The following SP6 variants were observed in gnomAD, a reference collection of about 807,000 sequenced individuals.
SP6 encodes the protein transcription factor Sp6.
SP6 carries 10 observed loss-of-function variants against 23.4 expected under a neutral mutation model. The ratio of observed to expected loss-of-function variants is 0.43; its 90% confidence interval spans 0.26 to 0.72. SP6 has a LOEUF of 0.72. SP6 is among the 30% of genes least tolerant of loss of function. SP6 has a pLI of 0.23. For synonymous variants in SP6, 238 were observed against 238.7 expected (o/e 1.00, Z 0.03); for missense variants, 482 against 523.8 (o/e 0.92, Z 0.78).
At chr17:47,861,389 C>T in the SP6 span, among the ~76,000 whole-genome samples, 3 of 152,154 alleles carry the variant, frequency 2.0e-5, no homozygotes, top group East Asian at 5.8e-4. Flanking sequence ...CCCAGGCGGA[C>T]TTCAATGTCT....
the SP6 span, among the ~76,000 whole-genome samples, chr17:47,862,143 C>T: frequency 3.7e-4 from 56 of 151,122 alleles, no homozygotes; most frequent in African/African-American, 1.3e-3. Context: ...GTCAGGAGTT[C>T]GAGACCAGCC....
At chr17:47,865,306 G>A in the SP6 span, 1 of 152,202 alleles carries the variant, frequency 6.6e-6, no homozygotes. Flanking sequence ...ATCCTGAGGG[G>A]GAGTAGGAAG....
the SP6 span, among the ~76,000 whole-genome samples, chr17:47,866,241 A>ATCCCT: frequency 6.6e-6 from 1 of 152,200 alleles, no homozygotes; most frequent in Non-Finnish European, 1.5e-5. Context: ...CTGGCTGGAA[A>ATCCCT]GAACGTGGGT....
At chr17:47,868,434 T>G in the SP6 span, among the ~76,000 whole-genome samples, 3 of 152,130 alleles carry the variant, frequency 2.0e-5, no homozygotes, top group Non-Finnish European at 4.4e-5. Flanking sequence ...ACGACCCAAG[T>G]CTTGGAAGCC....
the SP6 span, among the ~76,000 whole-genome samples, chr17:47,873,932 TCTC>T: frequency 6.7e-6 from 1 of 148,670 alleles, no homozygotes; most frequent in Non-Finnish European, 1.5e-5. Flanking sequence ...TCTTCTTCCT[TCTC>T]TTCTCCCTTC....
At chr17:47,868,318 G>A in the SP6 span, among the ~76,000 whole-genome samples, 4 of 152,346 alleles carry the variant, frequency 2.6e-5, no homozygotes, top group Admixed American at 1.3e-4. Context: ...GGTGCCTCCT[G>A]TACACATGTG....
chr17:47,847,859 C>A lies in SP6; in HGVS notation c.571G>T (p.Ala191Ser). Reference protein sequence around the residue: ...HLLGPPDGAKALEVAAPESQG... With the variant: ...HLLGPPDGAKSLEVAAPESQG... Reference sequence around the variant, plus strand: ...GACTCCGGGGCGGCTACTTCCAAGGCCTTAGCCCCGTCGGGCGGCCCTAGG... The same window carrying A: ...GACTCCGGGGCGGCTACTTCCAAGGACTTAGCCCCGTCGGGCGGCCCTAGG... The change falls in exon 2 of 2, where the codon GCC becomes TCC. Residue 191 changes from alanine to serine, a missense_variant. Coordinates refer to ENST00000536300, the MANE Select transcript of SP6 (RefSeq NM_001258248.2). 1.3e-6 allele frequency: 2 copies of A among 1,538,958 alleles called. No homozygotes were observed. The highest frequency in any genetic ancestry group is 8.7e-7 in the Non-Finnish European group (1 of 1,143,664).
At chr17:47,866,770 C>T in the SP6 span, among the ~76,000 whole-genome samples, 7 of 152,182 alleles carry the variant, frequency 4.6e-5, no homozygotes, top group African/African-American at 9.7e-5. Flanking sequence ...GCCAAGTTCC[C>T]GCTTGGCAAC....
At chr17:47,872,067 G>A in the SP6 span, among the ~76,000 whole-genome samples, 139 of 152,160 alleles carry the variant, frequency 9.1e-4, 2 homozygotes, top group Non-Finnish European at 1.7e-3. Context: ...AGGTAAACAA[G>A]TGGTTGAAAA....
Position 47,844,911 on chromosome 17 carries a change from G to A in SP6, c.*2388C>T, listed in dbSNP as rs1454416402. 5 of 152,648 alleles carry A rather than the reference G, an allele frequency of 3.3e-5. No homozygotes were observed. Among genetic ancestry groups the A allele is most frequent in the African/African-American group, 1.2e-4 (5 of 41,432 alleles). 9.5% of individuals were successfully genotyped at this position (152,648 alleles called of 1,614,324 possible). ...CAGAGCTGGAACACAAAGGAAGCAT[G>A]ATGTAGTTGATGACTTTATTGCATA... is the stretch of plus-strand genomic sequence containing the variant. On this transcript the variant is annotated 3_prime_UTR_variant, in exon 2 of 2. Transcript: ENST00000536300.
In SP6 at chr17:47,848,106, G is replaced by A. The variant is rs774817303; in HGVS notation, c.324C>T (p.Phe108=). The A allele has an allele frequency of 3.1e-6, 5 of 1,613,636 alleles. No individual in the cohort carries two copies. The highest frequency in any genetic ancestry group is 4.2e-6 in the Non-Finnish European group (5 of 1,179,980). Residue 108 remains phenylalanine (F), a synonymous_variant, in exon 2 of 2, where the codon TTC becomes TTT. Transcript: ENST00000536300. This position sits in a 1 kb window ranked among gnomAD's most constrained non-coding sequence, Gnocchi z 5.3. The stretch of plus-strand genomic sequence containing the variant: ...CCTCCGCGCCTGGGTGAGTCGGCCT[G>A]AACCACGATTCATAATGGTGTGACA... ...PDMSHHYESW[F]RPTHPGAEDG...
chr17:47,851,773 C>T (rs1377212037), upstream of SP6, among the ~76,000 whole-genome samples: 1 of 150,074 alleles, frequency 6.7e-6, no homozygotes, highest in Non-Finnish European at 1.5e-5. Context: ...TCCACCACCA[C>T]CCTTCCCCGT....
the SP6 span, among the ~76,000 whole-genome samples, chr17:47,872,090 G>A: frequency 6.6e-6 from 1 of 152,052 alleles, no homozygotes; most frequent in Non-Finnish European, 1.5e-5. Flanking sequence ...AGGAAAAGGG[G>A]AAGAAAAAAA....
upstream of SP6, among the ~76,000 whole-genome samples, chr17:47,854,784 A>C (rs962716671): frequency 2.6e-5 from 4 of 152,174 alleles, no homozygotes; most frequent in African/African-American, 9.7e-5. Context: ...ACCCCAAAAC[A>C]GGGACGTTAG....
chr17:47,866,647 G>A, the SP6 span, among the ~76,000 whole-genome samples: 27 of 152,136 alleles, frequency 1.8e-4, no homozygotes, highest in Admixed American at 1.1e-3. Flanking sequence ...TCGCATCCGC[G>A]GCCTGATGGG....
At chr17:47,855,101 T>C (rs895363868), upstream of SP6, among the ~76,000 whole-genome samples, 4 of 152,220 alleles carry the variant, frequency 2.6e-5, no homozygotes, top group East Asian at 1.9e-4. Context: ...TGGACACTAA[T>C]TTTATTATAA....
chr17:47,868,628 C>T, the SP6 span, among the ~76,000 whole-genome samples: 1 of 152,238 alleles, frequency 6.6e-6, no homozygotes, highest in African/African-American at 2.4e-5. Context: ...ACCCTCCTAA[C>T]CCCGACCATC....
upstream of SP6, among the ~76,000 whole-genome samples, chr17:47,854,927 A>G (rs1396030133): frequency 1.3e-5 from 2 of 152,136 alleles, no homozygotes; most frequent in African/African-American, 4.8e-5. Flanking sequence ...ATGACCCTGG[A>G]TGCCAACATA....
rs772544327 is a variant in SP6, at chr17:47,847,868, C to T, written c.562G>A (p.Gly188Arg). 6 of 1,538,418 alleles carry T rather than the reference C, an allele frequency of 3.9e-6. No homozygotes were observed. In the African/African-American group the frequency reaches 6.8e-5, roughly 18 times the overall value. Residue 188 changes from glycine (G) to arginine (R), a missense_variant, in exon 2 of 2, where the codon GGG (glycine) becomes AGG (arginine). Physicochemically the swap from Gly to Arg is moderately radical, Grantham distance 125. Around this residue, in one of 3 missense-constraint regions of SP6, gnomAD observed 330 missense variants for 332.3 expected, o/e 0.99. Transcript: ENST00000536300. ...GCGGCTACTTCCAAGGCCTTAGCCC[C>T]GTCGGGCGGCCCTAGGAGATGCTGC... Reference protein sequence around the residue: ...GGQHLLGPPDGAKALEVAAPE... With the variant: ...GGQHLLGPPDRAKALEVAAPE...
Sources: gnomAD v4.1 joint callset for allele counts (sites outside exome capture counted in the v4.1 genomes callset) on GRCh38, gnomAD v4.1.1 for gene constraint, gnomAD v4.1.1 regional missense constraint, Gnocchi (gnomAD v3.1) non-coding constraint, MANE v1.5 for transcripts, NCBI Gene and HGNC (gene_info 2026-07-23, HGNC 2026-07-21) for gene names.